The following TEAD1 variants were observed in gnomAD, a reference collection of about 807,000 sequenced individuals.
TEAD1 encodes transcriptional enhancer factor TEF-1.
In TEAD1, 9 loss-of-function variants were observed where a neutral mutation model predicts 54.9. The observed-to-expected ratio is 0.16, with a 90% CI of 0.10 to 0.29. The LOEUF (loss-of-function observed/expected upper bound fraction) is 0.29, where lower values mean the gene tolerates loss of function less well. Ranked by LOEUF, TEAD1 falls within the 10% of genes least tolerant of loss-of-function variation. The pLI is 1.00. For synonymous variants in TEAD1, 200 were observed against 187.8 expected (o/e 1.07, Z -0.53); for missense variants, 387 against 535.9 (o/e 0.72, Z 2.74).
intron 9 of TEAD1, among the ~76,000 whole-genome samples, chr11:12,884,951 T>G (rs1948056496): frequency 6.6e-6 from 1 of 152,218 alleles, no homozygotes; most frequent in South Asian, 2.1e-4. Flanking sequence ...CAGATGCTGC[T>G]TCTGCCTCTT....
At chr11:12,872,256 C>A (rs978240483) in intron 5 of TEAD1, among the ~76,000 whole-genome samples, 1 of 152,168 alleles carries the variant, frequency 6.6e-6, no homozygotes, top group Admixed American at 6.5e-5. Context: ...CTGTGTTGCT[C>A]CGTGAAGCCC....
chr11:12,677,449 T>C (rs904693448), intron 2 of TEAD1, among the ~76,000 whole-genome samples: 3 of 152,178 alleles, frequency 2.0e-5, no homozygotes, highest in Non-Finnish European at 4.4e-5. Context: ...AATTATATAT[T>C]AGTATACTCA....
chr11:12,842,281 G>A (rs1330185383), intron 3 of TEAD1, among the ~76,000 whole-genome samples: 2 of 152,140 alleles, frequency 1.3e-5, no homozygotes, highest in East Asian at 1.9e-4. Context: ...CCAAACCACC[G>A]TTACGAGAAT....
intron 3 of TEAD1, among the ~76,000 whole-genome samples, chr11:12,789,908 G>C (rs1356400269): frequency 6.6e-6 from 1 of 152,252 alleles, no homozygotes; most frequent in Non-Finnish European, 1.5e-5. Flanking sequence ...CCACCTTGGT[G>C]GGGGGCTGCT....
chr11:12,925,602 A>G (rs1417752889), intron 11 of TEAD1, among the ~76,000 whole-genome samples: 2 of 152,212 alleles, frequency 1.3e-5, no homozygotes, highest in African/African-American at 2.4e-5. Context: ...GAAAGGAAGC[A>G]AATAGGATGT....
chr11:12,771,720 A>G (rs1032403305), intron 3 of TEAD1, among the ~76,000 whole-genome samples: 1 of 152,192 alleles, frequency 6.6e-6, no homozygotes, highest in Non-Finnish European at 1.5e-5. Context: ...TTGCAGGGGT[A>G]GTTTGGAGCC....
At chr11:12,845,000 C>T (rs1193302468) in intron 3 of TEAD1, among the ~76,000 whole-genome samples, 1 of 132,200 alleles carries the variant, frequency 7.6e-6, no homozygotes, top group Non-Finnish European at 1.5e-5. Flanking sequence ...AGGGTCTCGC[C>T]TGTCGCCCAG....
intron 3 of TEAD1, among the ~76,000 whole-genome samples, chr11:12,770,074 A>C (rs2133933670): frequency 6.6e-6 from 1 of 152,358 alleles, no homozygotes; most frequent in East Asian, 1.9e-4. Flanking sequence ...TTAGTTGAAG[A>C]GATAGAAAAG....
intron 3 of TEAD1, among the ~76,000 whole-genome samples, chr11:12,785,588 G>A (rs984592802): frequency 6.6e-6 from 1 of 152,162 alleles, no homozygotes; most frequent in African/African-American, 2.4e-5. Flanking sequence ...CTTCACTTTT[G>A]GCTCAATTCT....
At chr11:12,851,051 ATCTTT>A in intron 3 of TEAD1, 2 of 951,222 alleles carry the variant, frequency 2.1e-6, no homozygotes, top group African/African-American at 3.5e-5. Context: ...CTTTTTCTAG[ATCTTT>A]TCTTCGGATT....
At chr11:12,893,616 G>C (rs1477308068) in intron 9 of TEAD1, among the ~76,000 whole-genome samples, 1 of 152,142 alleles carries the variant, frequency 6.6e-6, no homozygotes, top group Non-Finnish European at 1.5e-5. Flanking sequence ...GGGCCTTTCA[G>C]CTGCACTTCT....
At chr11:12,759,816 C>T (rs919317999) in intron 2 of TEAD1, among the ~76,000 whole-genome samples, 1 of 152,088 alleles carries the variant, frequency 6.6e-6, no homozygotes, top group Non-Finnish European at 1.5e-5. Context: ...GAGCTGAGAT[C>T]GTGCCACTGC....
chr11:12,787,328 A>G (rs1945699035), intron 3 of TEAD1, among the ~76,000 whole-genome samples: 1 of 152,188 alleles, frequency 6.6e-6, no homozygotes, highest in Admixed American at 6.5e-5. Flanking sequence ...CAAAAAAGGG[A>G]AGGATATGTT....
At chr11:12,682,553 G>A (rs1322426819) in intron 2 of TEAD1, among the ~76,000 whole-genome samples, 1 of 152,108 alleles carries the variant, frequency 6.6e-6, no homozygotes, top group African/African-American at 2.4e-5. Flanking sequence ...TAATCCTGAC[G>A]GCTTTCTGGA....
At chr11:12,855,313 C>A (rs1054384717) in intron 3 of TEAD1, among the ~76,000 whole-genome samples, 37 of 151,328 alleles carry the variant, frequency 2.4e-4, no homozygotes, top group African/African-American at 8.3e-4. Context: ...TTTGTTGAGA[C>A]GGAGTCTCGC....
chr11:12,717,862 A>C (rs753703981), intron 2 of TEAD1, among the ~76,000 whole-genome samples: 3 of 152,208 alleles, frequency 2.0e-5, no homozygotes, highest in Admixed American at 6.5e-5. Flanking sequence ...CCTTTGGGCA[A>C]ATTACTTCAC....
At chr11:12,935,628 T>C (rs1182380879) in intron 12 of TEAD1, among the ~76,000 whole-genome samples, 1 of 151,992 alleles carries the variant, frequency 6.6e-6, no homozygotes, top group Non-Finnish European at 1.5e-5. Flanking sequence ...CCCAGCTAAT[T>C]TTTGTGTTTT....
At chr11:12,885,696 T>C (rs1157532640) in intron 9 of TEAD1, among the ~76,000 whole-genome samples, 1 of 152,230 alleles carries the variant, frequency 6.6e-6, no homozygotes, top group Non-Finnish European at 1.5e-5. Context: ...ATAAAAATTC[T>C]CTTTTTTTAA....
At chr11:12,787,086 G>A (rs367883773) in intron 3 of TEAD1, among the ~76,000 whole-genome samples, 49 of 152,236 alleles carry the variant, frequency 3.2e-4, no homozygotes, top group African/African-American at 1.1e-3. Flanking sequence ...CACTCTGAGC[G>A]GGAGTGTGAT....
Sources: gnomAD v4.1 joint callset for allele counts (sites outside exome capture counted in the v4.1 genomes callset) on GRCh38, gnomAD v4.1.1 for gene constraint, MANE v1.5 for transcripts, NCBI Gene and HGNC (gene_info 2026-07-23, HGNC 2026-07-21) for gene names.